RAMP3: variants seen among roughly 807,000 people sequenced by gnomAD.
RAMP3 encodes receptor activity-modifying protein 3.
Under a neutral mutation model 13.5 loss-of-function variants are expected in RAMP3, and 14 were observed. That is an observed-to-expected ratio of 1.04 (90% CI 0.69 to 1.63). The LOEUF is 1.63. Among genes scored for constraint, RAMP3 ranks in the 40% most tolerant of loss-of-function variants. The probability of loss-of-function intolerance (pLI) is 0.00; values close to 1 mark genes in which losing one functional copy is unlikely to be tolerated. For synonymous variants in RAMP3, 106 were observed against 88.3 expected (o/e 1.20, Z -1.12); for missense variants, 200 against 204.8 (o/e 0.98, Z 0.14).
intron 1 of RAMP3, among the ~76,000 whole-genome samples, chr7:45,165,722 A>C (rs796541683): frequency 1.3e-5 from 2 of 152,342 alleles, no homozygotes; most frequent in African/African-American, 4.8e-5. Context: ...AGCCTTAAGG[A>C]ATCACTAATA....
At position 45,183,419 on chromosome 7, in the gene RAMP3, C is replaced by A. The variant is rs11982639; in HGVS notation, c.*7C>A. On this transcript the variant is annotated 3_prime_UTR_variant, in exon 3 of 3. Coordinates refer to ENST00000242249, the MANE Select transcript of RAMP3 (RefSeq NM_005856.3). ...CACCGACACGCTGCTGTGAGGGTCC[C>A]GGTGAGATGGAGTGGGTCACACCTG... 34 of 1,610,294 alleles carry A rather than the reference C, an allele frequency of 2.1e-5. No homozygotes were observed. The African/African-American group carries it at 3.5e-4, about 16-fold the overall frequency.
intron 1 of RAMP3, among the ~76,000 whole-genome samples, chr7:45,171,167 T>C (rs192627087): frequency 5.3e-4 from 81 of 152,170 alleles, no homozygotes; most frequent in African/African-American, 1.7e-3. Context: ...TTTCTTTTTT[T>C]TTTTTCGAGA....
intron 1 of RAMP3, among the ~76,000 whole-genome samples, chr7:45,165,258 T>G (rs1176502564): frequency 6.6e-6 from 1 of 152,252 alleles, no homozygotes; most frequent in Non-Finnish European, 1.5e-5. Flanking sequence ...CCTCCTGAAC[T>G]TTATGCCATT....
In RAMP3 at chr7:45,183,617, C is replaced by A. The variant is rs1474111443; in HGVS notation, c.*205C>A. The A allele has an allele frequency of 2.9e-6, 2 of 696,474 alleles. No homozygotes were observed. The highest frequency in any genetic ancestry group is 3.6e-5 in the African/African-American group (2 of 55,806). 43.1% of individuals were successfully genotyped at this position (696,474 alleles called of 1,614,324 possible). A position where few individuals can be genotyped will look rare whatever the true frequency, so the allele number is the denominator to read the frequency against. ...GAGGCTCAGGCTATCCGCCCAAGCT[C>A]TTTGCTCATTCTAGGGCCAGTGGAG... On this transcript the variant is annotated 3_prime_UTR_variant, in exon 3 of 3. Coordinates refer to ENST00000242249, the MANE Select transcript of RAMP3 (RefSeq NM_005856.3).
At chr7:45,160,187 C>T (rs1785836381) in intron 1 of RAMP3, among the ~76,000 whole-genome samples, 1 of 151,376 alleles carries the variant, frequency 6.6e-6, no homozygotes. Context: ...AAAATATTAG[C>T]CGGGTGTGGT....
intron 1 of RAMP3, 45 bp downstream of exon 1, chr7:45,157,931 G>A: frequency 1.5e-6 from 2 of 1,329,538 alleles, no homozygotes; most frequent in Non-Finnish European, 1.9e-6. Context: ...CACTCCTCGG[G>A]GTTCACCGGA....
At chr7:45,169,098 C>T (rs992606290) in intron 1 of RAMP3, among the ~76,000 whole-genome samples, 4 of 152,184 alleles carry the variant, frequency 2.6e-5, no homozygotes, top group Non-Finnish European at 5.9e-5. Context: ...TTATGTTGAA[C>T]CACCCTTGCA....
intron 1 of RAMP3, among the ~76,000 whole-genome samples, chr7:45,160,596 TCTCGTCGATG>T (rs1562951135): frequency 1.3e-5 from 2 of 152,126 alleles, no homozygotes; most frequent in South Asian, 4.2e-4. Context: ...CACTTGCCAG[TCTCGTCGATG>T]CTCTTTCTGT....
intron 1 of RAMP3, among the ~76,000 whole-genome samples, chr7:45,165,898 A>G (rs755667225): frequency 6.6e-6 from 1 of 152,234 alleles, no homozygotes; most frequent in Non-Finnish European, 1.5e-5. Flanking sequence ...ATAATATTCT[A>G]TCACATGGGT....
rs561581404 is a variant in RAMP3, at chr7:45,159,629, A to G, written c.58+1743A>G. The stretch of plus-strand genomic sequence containing the variant: ...GGTGAAAATCCTGATCATGATCCCA[A>G]GATTATAAAGCACTCACTGGCCTCA... On this transcript the variant is annotated intron_variant, in intron 1 of 2. Coordinates refer to ENST00000242249, the MANE Select transcript of RAMP3 (RefSeq NM_005856.3). 4.6e-5 allele frequency among the ~76,000 whole-genome samples: 7 copies of G among 152,286 alleles called. No homozygotes were observed. In the South Asian group the frequency reaches 1.5e-3, roughly 32 times the overall value.
chr7:45,170,305 T>A (rs532126369), intron 1 of RAMP3, among the ~76,000 whole-genome samples: 1 of 151,858 alleles, frequency 6.6e-6, no homozygotes, highest in Non-Finnish European at 1.5e-5. Context: ...GGCTGGGTAA[T>A]TGATTTGAGA....
intron 1 of RAMP3, 29 bp downstream of exon 1, chr7:45,157,915 C>T: frequency 7.4e-7 from 1 of 1,344,434 alleles, no homozygotes; most frequent in Non-Finnish European, 9.5e-7. Flanking sequence ...GCACCGGGGG[C>T]GCCCCCACTC....
At chr7:45,162,661 C>A (rs1785886822) in intron 1 of RAMP3, among the ~76,000 whole-genome samples, 2 of 152,182 alleles carry the variant, frequency 1.3e-5, no homozygotes, top group Non-Finnish European at 1.5e-5. Flanking sequence ...GGTTGGGCCA[C>A]ACTTAGAACA....
At chr7:45,161,580 A>T (rs1304823056) in intron 1 of RAMP3, among the ~76,000 whole-genome samples, 4 of 150,906 alleles carry the variant, frequency 2.7e-5, no homozygotes, top group Non-Finnish European at 4.4e-5. Flanking sequence ...GTTCAGATTC[A>T]TTCTGACTTC....
At chr7:45,181,647 T>C (rs1425078632) in intron 2 of RAMP3, among the ~76,000 whole-genome samples, 2 of 152,096 alleles carry the variant, frequency 1.3e-5, no homozygotes, top group African/African-American at 4.8e-5. Flanking sequence ...AGCTCCTGGA[T>C]CAGCTGGCGG....
In RAMP3 at chr7:45,183,142, C is replaced by G. The variant is rs375325035; in HGVS notation, c.192-15C>G. The G allele has an allele frequency of 2.5e-6, 4 of 1,607,162 alleles. No individual in the cohort carries two copies. The highest frequency in any genetic ancestry group is 1.7e-4 in the Middle Eastern group (1 of 6,056). ...GATGGCGAGAGCCTGGCTTTCACCCCCTCTGCTTTTGCAGGTACTATGAGA... is the reference window on the plus strand; with the variant it reads ...GATGGCGAGAGCCTGGCTTTCACCCGCTCTGCTTTTGCAGGTACTATGAGA... On this transcript the variant is annotated splice_polypyrimidine_tract_variant and intron_variant, in intron 2 of 2. Coordinates refer to ENST00000242249, the MANE Select transcript of RAMP3 (RefSeq NM_005856.3).
At position 45,160,214 on chromosome 7, in the gene RAMP3, C is replaced by T. The variant is rs180723289; in HGVS notation, c.58+2328C>T. ...GGGTGTGGTGGTGCATACCTGTAGT[C>T]TCAGCTACTCAGGAGGCTGAGGCAG... On this transcript the variant is annotated intron_variant, in intron 1 of 2. Transcript: ENST00000242249. Among the ~76,000 whole-genome samples, 5 of 151,514 alleles carry T rather than the reference C, an allele frequency of 3.3e-5. No homozygotes were observed. In the East Asian group the frequency reaches 7.8e-4, roughly 24 times the overall value.
In RAMP3 at chr7:45,157,851, G is replaced by T; in HGVS notation, c.23G>T (p.Arg8Leu). 7.0e-7 allele frequency: 1 copy of T among 1,419,258 alleles called. No individual in the cohort carries two copies. The highest frequency in any genetic ancestry group is 9.1e-7 in the Non-Finnish European group (1 of 1,094,390). The allele number at this position is 1,419,258 out of a possible 1,614,324, so 87.9% of individuals were successfully genotyped here. A position where few individuals can be genotyped will look rare whatever the true frequency, so the allele number is the denominator to read the frequency against. Residue 8 changes from arginine (R) to leucine (L), a missense_variant, in exon 1 of 3, where the codon CGC becomes CTC. Coordinates refer to ENST00000242249, the MANE Select transcript of RAMP3 (RefSeq NM_005856.3). Reference protein sequence around the residue: METGALRRPQLLPLLLLL... With the variant: METGALRLPQLLPLLLLL... ...GCCATGGAGACTGGAGCGCTGCGGC[G>T]CCCGCAACTTCTCCCGTTGCTGCTG...
At chr7:45,167,250 C>T (rs961663557) in intron 1 of RAMP3, among the ~76,000 whole-genome samples, 17 of 152,180 alleles carry the variant, frequency 1.1e-4, no homozygotes, top group Non-Finnish European at 2.5e-4. Flanking sequence ...AGCCACGGCG[C>T]CCGGCCTGTG....
Sources: gnomAD v4.1 joint callset for allele counts (sites outside exome capture counted in the v4.1 genomes callset) on GRCh38, gnomAD v4.1.1 for gene constraint, MANE v1.5 for transcripts, NCBI Gene and HGNC (gene_info 2026-07-23, HGNC 2026-07-21) for gene names.